The following FOCAD variants were observed in gnomAD, a reference collection of about 807,000 sequenced individuals.
FOCAD encodes KIAA1797.
Under a neutral mutation model 225.6 loss-of-function variants are expected in FOCAD, and 198 were observed. That is an observed-to-expected ratio of 0.88 (90% CI 0.78 to 0.99). The LOEUF (loss-of-function observed/expected upper bound fraction) is 0.99. Among genes scored for constraint, FOCAD ranks in the 50% least tolerant of loss-of-function variants. The pLI is 0.00. For missense variants in FOCAD, 2,713 were observed against 2,123.6 expected, an observed-to-expected ratio of 1.28 and a Z score of -5.46; for synonymous variants, 897 against 755.0, an observed-to-expected ratio of 1.19 and a Z score of -3.08.
chr9:20,791,601 G>C (rs1820545677), intron 11 of FOCAD, among the ~76,000 whole-genome samples: 1 of 152,130 alleles, frequency 6.6e-6, no homozygotes, highest in Non-Finnish European at 1.5e-5. Flanking sequence ...GAATTAGCTG[G>C]AAGCCCAAAG....
chr9:20,975,348 A>G (rs1428232665), intron 35 of FOCAD, among the ~76,000 whole-genome samples: 1 of 152,210 alleles, frequency 6.6e-6, no homozygotes, highest in African/African-American at 2.4e-5. Context: ...TATTAAAGTA[A>G]TGGTACTATG....
chr9:20,907,082 AAC>A, intron 21 of FOCAD, 66 bp from the exon 22 acceptor site: 1 of 1,256,694 alleles, frequency 8.0e-7, no homozygotes, highest in South Asian at 1.3e-5. Context: ...GAACTGATGA[AAC>A]AGTTTTAATT....
intron 7 of FOCAD, among the ~76,000 whole-genome samples, 190 bp from the exon 8 acceptor site, chr9:20,769,842 G>A (rs1818009424): frequency 6.6e-6 from 1 of 152,176 alleles, no homozygotes; most frequent in Admixed American, 6.5e-5. Context: ...ATTGGATTTT[G>A]GTTAATAACC....
chr9:20,839,625 T>G (rs923267467), intron 15 of FOCAD, among the ~76,000 whole-genome samples: 2 of 151,640 alleles, frequency 1.3e-5, no homozygotes, highest in Non-Finnish European at 3.0e-5. Context: ...CTTTCCCTTT[T>G]TTTTGAACTA....
chr9:20,696,628 ACCT>A (rs1405833696), intron 1 of FOCAD, among the ~76,000 whole-genome samples: 3 of 151,958 alleles, frequency 2.0e-5, no homozygotes, highest in Non-Finnish European at 4.4e-5. Flanking sequence ...ACATGGCAAA[ACCT>A]CCTCTCTACT....
intron 2 of FOCAD, among the ~76,000 whole-genome samples, chr9:20,674,949 A>G (rs1563868933): frequency 6.6e-6 from 1 of 152,206 alleles, no homozygotes; most frequent in Admixed American, 6.5e-5. Flanking sequence ...GATGGGGTAG[A>G]GTTGGGGCAG....
At chr9:20,690,475 C>T (rs1822907271) in intron 1 of FOCAD, among the ~76,000 whole-genome samples, 1 of 152,154 alleles carries the variant, frequency 6.6e-6, no homozygotes, top group Admixed American at 6.5e-5. Context: ...TTTAATCAGG[C>T]TTTCTCCCTC....
At chr9:20,978,949 G>C (rs1000205691) in intron 37 of FOCAD, among the ~76,000 whole-genome samples, 8 of 152,206 alleles carry the variant, frequency 5.3e-5, no homozygotes, top group Non-Finnish European at 7.3e-5. Flanking sequence ...TGTAAGTGGA[G>C]AGCATGAAAG....
At chr9:20,873,119 T>C (rs866709708) in intron 18 of FOCAD, among the ~76,000 whole-genome samples, 7 of 152,186 alleles carry the variant, frequency 4.6e-5, no homozygotes, top group Admixed American at 1.3e-4. Flanking sequence ...TAAATAATAA[T>C]TCTATGAACA....
At chr9:20,834,878 T>A (rs2131525870) in intron 15 of FOCAD, among the ~76,000 whole-genome samples, 1 of 152,238 alleles carries the variant, frequency 6.6e-6, no homozygotes, top group African/African-American at 2.4e-5. Context: ...AACATTAGTA[T>A]GAAAAAGTAA....
chr9:20,893,533 G>C (rs1831812314), intron 21 of FOCAD, among the ~76,000 whole-genome samples: 1 of 151,918 alleles, frequency 6.6e-6, no homozygotes, highest in South Asian at 2.1e-4. Flanking sequence ...TGTTTGTGTT[G>C]TTATTCATTT....
chr9:20,683,463 G>A (rs901766897), upstream of FOCAD: 18 of 151,878 alleles, frequency 1.2e-4, no homozygotes, highest in Non-Finnish European at 1.3e-4. Flanking sequence ...GTCTCTCCTC[G>A]TTTTTTTCTG....
chr9:20,946,239 C>G (rs1158819546), intron 29 of FOCAD, among the ~76,000 whole-genome samples: 1 of 152,146 alleles, frequency 6.6e-6, no homozygotes, highest in Middle Eastern at 3.2e-3. Context: ...ACTACTTCTC[C>G]TAGGGAATCT....
chr9:20,861,146 A>G lies in FOCAD; in HGVS notation c.1921-1432A>G, dbSNP rs1055398257. On this transcript the variant is annotated intron_variant, in intron 15 of 43. Transcript: ENST00000338382. ...TCCTCCATAGATTCCTCTTGAAACT[A>G]TTTTCTGTTGAAATAGTTTAAAGTC... Among the ~76,000 whole-genome samples the G allele has an allele frequency of 7.2e-5, 11 of 152,206 alleles. No homozygotes were observed. The East Asian group carries it at 1.9e-3, about 27-fold the overall frequency.
rs370060027 is a variant in FOCAD, at chr9:20,767,749, C to A, written c.700-2283C>A. The stretch of plus-strand genomic sequence containing the variant: ...AGCCCTTTGTCAGATGAGTAGGTTG[C>A]GAAAATTTTCTCCCATTTTGTAGGT... On this transcript the variant is annotated intron_variant, in intron 7 of 43. Coordinates refer to ENST00000338382, the MANE Select transcript of FOCAD (RefSeq NM_001375567.1). Among the ~76,000 whole-genome samples the A allele has an allele frequency of 1.8e-4, 26 of 145,850 alleles. No individual in the cohort carries two copies. In the East Asian group the frequency reaches 2.9e-3, roughly 17 times the overall value.
chr9:20,770,699 G>A (rs912607842), intron 8 of FOCAD, among the ~76,000 whole-genome samples: 5 of 152,166 alleles, frequency 3.3e-5, no homozygotes, highest in Non-Finnish European at 7.4e-5. Context: ...TATCACTCAA[G>A]TGAGTCTTTC....
intron 6 of FOCAD, among the ~76,000 whole-genome samples, chr9:20,763,012 A>G (rs1366649964): frequency 1.3e-5 from 2 of 152,244 alleles, no homozygotes; most frequent in African/African-American, 4.8e-5. Flanking sequence ...GTTCAGGATC[A>G]TAACTGATTG....
intron 41 of FOCAD, among the ~76,000 whole-genome samples, chr9:20,988,649 G>C (rs572370298): frequency 6.6e-6 from 1 of 151,886 alleles, no homozygotes; most frequent in Non-Finnish European, 1.5e-5. Flanking sequence ...CTCTGATGCC[G>C]CAAGAAAACT....
chr9:20,764,473 C>G (rs760501993), intron 6 of FOCAD, among the ~76,000 whole-genome samples: 1 of 152,182 alleles, frequency 6.6e-6, no homozygotes, highest in Non-Finnish European at 1.5e-5. Context: ...AGGATGGTCT[C>G]TATCTCCTGA....
Sources: gnomAD v4.1 joint callset for allele counts (sites outside exome capture counted in the v4.1 genomes callset) on GRCh38, gnomAD v4.1.1 for gene constraint, MANE v1.5 for transcripts, NCBI Gene and HGNC (gene_info 2026-07-23, HGNC 2026-07-21) for gene names.